The following CTDSPL variants were observed in gnomAD, a reference collection of about 807,000 sequenced individuals.
CTDSPL encodes CTD small phosphatase like.
In CTDSPL, 8 loss-of-function variants were observed where a neutral mutation model predicts 30.5. The ratio of observed to expected loss-of-function variants is 0.26; its 90% CI spans 0.15 to 0.47. The LOEUF is 0.47. CTDSPL is among the 20% of genes least tolerant of loss of function. The probability of loss-of-function intolerance (pLI) is 0.99; values close to 1 mark genes in which losing one functional copy is unlikely to be tolerated. For missense variants in CTDSPL, 248 were observed against 366.1 expected (o/e 0.68, Z 2.63); for synonymous variants, 110 against 137.9 (o/e 0.80, Z 1.42).
intron 2 of CTDSPL, among the ~76,000 whole-genome samples, chr3:37,948,404 A>C (rs1253464993): frequency 6.6e-6 from 1 of 152,252 alleles, no homozygotes; most frequent in Non-Finnish European, 1.5e-5. Flanking sequence ...ATGGAATTTC[A>C]GGAAAAATCA....
chr3:37,872,985 C>T (rs1698093866), intron 1 of CTDSPL, among the ~76,000 whole-genome samples: 1 of 152,182 alleles, frequency 6.6e-6, no homozygotes, highest in Non-Finnish European at 1.5e-5. Flanking sequence ...AGTGAAAGCC[C>T]TGACTTCCTG....
chr3:37,874,946 A>G (rs924797564), intron 1 of CTDSPL, among the ~76,000 whole-genome samples: 2 of 152,152 alleles, frequency 1.3e-5, no homozygotes, highest in Non-Finnish European at 2.9e-5. Flanking sequence ...CAGACATTTA[A>G]AGTTCAGTAT....
chr3:37,896,117 G>T (rs1371634384), intron 1 of CTDSPL, among the ~76,000 whole-genome samples: 1 of 152,170 alleles, frequency 6.6e-6, no homozygotes, highest in Non-Finnish European at 1.5e-5. Context: ...AAGGGCTGTG[G>T]AATAATCAAT....
intron 1 of CTDSPL, among the ~76,000 whole-genome samples, chr3:37,894,011 G>A (rs180807306): frequency 1.1e-4 from 16 of 152,294 alleles, no homozygotes; most frequent in Admixed American, 9.2e-4. Context: ...TAAAGGTAAT[G>A]TAAACTTAAT....
At chr3:37,926,525 G>T (rs568281995) in intron 1 of CTDSPL, among the ~76,000 whole-genome samples, 2 of 152,306 alleles carry the variant, frequency 1.3e-5, no homozygotes, top group Non-Finnish European at 2.9e-5. Context: ...CCTTTATTCA[G>T]TTGTGAACCA....
chr3:37,980,735 C>T lies in CTDSPL; in HGVS notation c.706-7C>T, dbSNP rs1365182762. 3.8e-5 allele frequency: 62 copies of T among 1,614,090 alleles called. No individual in the cohort carries two copies. The highest frequency in any genetic ancestry group is 5.1e-5 in the Non-Finnish European group (60 of 1,180,038). On this transcript the variant is annotated splice_region_variant and splice_polypyrimidine_tract_variant and intron_variant, in intron 7 of 7. Transcript: ENST00000273179. ...TCCTGCTGCCTCCTCCATGCACTGT[C>T]TTCCAGGTGCCTGTGCAGTCCTGGT... is the stretch of plus-strand genomic sequence containing the variant.
At chr3:37,936,682 G>A (rs1222702178) in intron 1 of CTDSPL, among the ~76,000 whole-genome samples, 7 of 144,442 alleles carry the variant, frequency 4.8e-5, no homozygotes, top group Non-Finnish European at 8.9e-5. Context: ...AAAAAAAAAG[G>A]TGTTTAGCTT....
intron 4 of CTDSPL, among the ~76,000 whole-genome samples, chr3:37,966,745 A>G (rs2125631509): frequency 6.6e-6 from 1 of 152,174 alleles, no homozygotes; most frequent in Admixed American, 6.5e-5. Flanking sequence ...TTTAGTTTAT[A>G]TATCAACAAA....
chr3:37,867,364 A>G (rs1698022629), intron 1 of CTDSPL, among the ~76,000 whole-genome samples: 1 of 152,182 alleles, frequency 6.6e-6, no homozygotes, highest in South Asian at 2.1e-4. Flanking sequence ...CACGCTTTGA[A>G]TGATCTGTAC....
At chr3:37,968,534 G>A (rs1362793274) in intron 5 of CTDSPL, 1 of 225,916 alleles carries the variant, frequency 4.4e-6, no homozygotes, top group East Asian at 1.3e-4. Context: ...AGGAAAACTA[G>A]CTTTAGAGGT....
intron 1 of CTDSPL, among the ~76,000 whole-genome samples, chr3:37,868,499 C>T (rs1029995230): frequency 3.3e-5 from 5 of 151,896 alleles, no homozygotes; most frequent in African/African-American, 4.8e-5. Context: ...CACTAGATCC[C>T]GAAGGTTTTC....
At chr3:37,963,683 G>T (rs1207646884) in intron 3 of CTDSPL, among the ~76,000 whole-genome samples, 2 of 152,126 alleles carry the variant, frequency 1.3e-5, no homozygotes, top group Non-Finnish European at 2.9e-5. Flanking sequence ...AATCGAGTGA[G>T]GTTGGCCAGA....
At chr3:37,918,127 T>C (rs1171389042) in intron 1 of CTDSPL, among the ~76,000 whole-genome samples, 1 of 152,176 alleles carries the variant, frequency 6.6e-6, no homozygotes, top group Non-Finnish European at 1.5e-5. Context: ...CCCAGTTACG[T>C]GCATGCTTGC....
chr3:37,898,941 C>A (rs1049015687), intron 1 of CTDSPL, among the ~76,000 whole-genome samples: 7 of 152,132 alleles, frequency 4.6e-5, no homozygotes, highest in Non-Finnish European at 1.0e-4. Context: ...TGCCAAAGCC[C>A]TGCAACAGGA....
intron 1 of CTDSPL, among the ~76,000 whole-genome samples, chr3:37,893,702 T>C (rs984772662): frequency 2.0e-5 from 3 of 152,348 alleles, no homozygotes; most frequent in South Asian, 2.1e-4. Flanking sequence ...TATTCCTTGA[T>C]TTTCTTAGTG....
intron 1 of CTDSPL, among the ~76,000 whole-genome samples, chr3:37,921,338 G>A (rs989045100): frequency 1.3e-5 from 2 of 152,126 alleles, no homozygotes; most frequent in Admixed American, 6.5e-5. Flanking sequence ...TCACAGCAGC[G>A]GCCCCTGTCT....
At chr3:37,969,768 T>G (rs531870847) in intron 5 of CTDSPL, among the ~76,000 whole-genome samples, 8 of 152,268 alleles carry the variant, frequency 5.3e-5, no homozygotes, top group Non-Finnish European at 1.2e-4. Context: ...GACATCCTGT[T>G]CCTCCAGCCC....
In CTDSPL at chr3:37,971,214, G is replaced by A. The variant is rs115733901; in HGVS notation, c.427-193G>A. Among the ~76,000 whole-genome samples the A allele has an allele frequency of 3.7e-3, 570 of 152,310 alleles. 5 individuals carry two copies. The highest frequency in any genetic ancestry group is 0.012 in the African/African-American group (519 of 41,558). ...GGCGTCTGCAGTGAACTCAGACCTG[G>A]AGCCCTGTCTGAGGAGTGCCACGTC... On this transcript the variant is annotated intron_variant, in intron 5 of 7. Coordinates refer to ENST00000273179, the MANE Select transcript of CTDSPL (RefSeq NM_001008392.2).
intron 1 of CTDSPL, among the ~76,000 whole-genome samples, chr3:37,927,538 G>C (rs76740094): frequency 0.027 from 4,055 of 152,022 alleles, 83 homozygotes; most frequent in South Asian, 0.095. Flanking sequence ...TGGCATGTGA[G>C]CCACTGGCAT....
Sources: allele counts gnomAD v4.1 joint callset (sites outside exome capture counted in the v4.1 genomes callset), GRCh38; gene constraint gnomAD v4.1.1; transcripts MANE v1.5; gene names NCBI Gene and HGNC (gene_info 2026-07-23, HGNC 2026-07-21).